Variants in WWOX observed in about 807,000 individuals in gnomAD.
WWOX encodes WW domain containing oxidoreductase, also known as WW domain-containing oxidoreductase.
A neutral mutation model predicts 46.2 loss-of-function variants in WWOX; 69 were observed. The ratio of observed to expected loss-of-function variants is 1.49; its 90% CI spans 1.23 to 1.82. The LOEUF is 1.82. WWOX is among the 40% of genes most tolerant of loss of function. WWOX has a pLI of 0.00. For missense variants in WWOX, 919 were observed against 542.6 expected, an observed-to-expected ratio of 1.69 and a Z score of -6.89; for synonymous variants, 359 against 202.6, an observed-to-expected ratio of 1.77 and a Z score of -6.56.
At position 78,264,135 on chromosome 16, in the gene WWOX, G is replaced by A. The variant is rs543239429; in HGVS notation, c.516+99846G>A. Among the ~76,000 whole-genome samples the A allele has an allele frequency of 7.3e-5, 11 of 151,082 alleles. No homozygotes were observed. In the South Asian group the frequency reaches 2.1e-3, roughly 29 times the overall value. On this transcript the variant is annotated intron_variant, in intron 5 of 8. Transcript: ENST00000566780. Reference sequence around the variant, plus strand: ...TCACTTCTTGAGTCTTGGTCATTACGAAGTGACATTTGGCATGAATTTGCT... The same window carrying A: ...TCACTTCTTGAGTCTTGGTCATTACAAAGTGACATTTGGCATGAATTTGCT...
At chr16:78,513,121 C>G (rs995745452) in intron 8 of WWOX, among the ~76,000 whole-genome samples, 7 of 152,168 alleles carry the variant, frequency 4.6e-5, no homozygotes, top group Non-Finnish European at 1.0e-4. Context: ...TTTTCATTCT[C>G]TCCGTTGGTC....
At chr16:78,150,357 C>T (rs774871159) in intron 4 of WWOX, among the ~76,000 whole-genome samples, 26 of 152,114 alleles carry the variant, frequency 1.7e-4, no homozygotes, top group Admixed American at 1.3e-3. Flanking sequence ...CTCTCCAAAC[C>T]CTATCGTTTA....
chr16:78,964,808 T>C (rs2046335208), intron 8 of WWOX, among the ~76,000 whole-genome samples: 1 of 152,188 alleles, frequency 6.6e-6, no homozygotes, highest in East Asian at 1.9e-4. Context: ...CCTGGGTCCC[T>C]GTGCTGTGTG....
chr16:78,812,814 T>A (rs954720057), intron 8 of WWOX, among the ~76,000 whole-genome samples: 1 of 152,178 alleles, frequency 6.6e-6, no homozygotes, highest in African/African-American at 2.4e-5. Flanking sequence ...AAAGACCCCA[T>A]GTTTGTGTTA....
At chr16:78,918,791 G>C (rs2045310271) in intron 8 of WWOX, among the ~76,000 whole-genome samples, 1 of 152,128 alleles carries the variant, frequency 6.6e-6, no homozygotes, top group Non-Finnish European at 1.5e-5. Flanking sequence ...ACTTGTCTAA[G>C]CTCTATATTA....
At chr16:78,951,579 C>T (rs1245371266) in intron 8 of WWOX, among the ~76,000 whole-genome samples, 1 of 152,230 alleles carries the variant, frequency 6.6e-6, no homozygotes, top group African/African-American at 2.4e-5. Context: ...AACAACAGGG[C>T]TTCATCACAG....
intron 8 of WWOX, among the ~76,000 whole-genome samples, chr16:78,739,675 C>G (rs8048347): frequency 0.23 from 35,424 of 151,880 alleles, 6,671 homozygotes; most frequent in African/African-American, 0.52. Context: ...GCTTGGCTTC[C>G]TGGTGCATGC....
At chr16:78,948,138 G>A (rs1215139561) in intron 8 of WWOX, among the ~76,000 whole-genome samples, 2 of 152,202 alleles carry the variant, frequency 1.3e-5, no homozygotes, top group African/African-American at 2.4e-5. Flanking sequence ...TGAACCTTAA[G>A]TTGCTCAGAA....
chr16:78,507,652 G>C (rs185199243), intron 8 of WWOX, among the ~76,000 whole-genome samples: 1 of 152,092 alleles, frequency 6.6e-6, no homozygotes, highest in Non-Finnish European at 1.5e-5. Context: ...CCTTGGTCCC[G>C]TCTCCAGCCA....
intron 8 of WWOX, among the ~76,000 whole-genome samples, chr16:78,546,934 C>T (rs746039593): frequency 1.3e-5 from 2 of 151,790 alleles, no homozygotes; most frequent in Non-Finnish European, 2.9e-5. Flanking sequence ...TCAGATCAGT[C>T]TGGGCAACAT....
At chr16:78,450,164 AT>A (rs1352421885) in intron 8 of WWOX, among the ~76,000 whole-genome samples, 1 of 152,184 alleles carries the variant, frequency 6.6e-6, no homozygotes, top group African/African-American at 2.4e-5. Flanking sequence ...ATTTAGCAAA[AT>A]TCAAATTTCC....
chr16:78,554,456 G>T (rs1227397644), intron 8 of WWOX, among the ~76,000 whole-genome samples: 1 of 152,174 alleles, frequency 6.6e-6, no homozygotes, highest in Non-Finnish European at 1.5e-5. Flanking sequence ...TATGAAAACA[G>T]TTCTGGCTGA....
chr16:78,996,643 T>G (rs1225773122), intron 8 of WWOX, among the ~76,000 whole-genome samples: 1 of 152,044 alleles, frequency 6.6e-6, no homozygotes, highest in East Asian at 1.9e-4. Context: ...TCAGGGAGAC[T>G]CTAGTGTGCT....
At chr16:78,434,711 A>T (rs1221376191) in intron 8 of WWOX, among the ~76,000 whole-genome samples, 1 of 152,180 alleles carries the variant, frequency 6.6e-6, no homozygotes, top group Non-Finnish European at 1.5e-5. Flanking sequence ...AAGGTCCCTA[A>T]TCAGAGGAAC....
intron 8 of WWOX, among the ~76,000 whole-genome samples, chr16:78,989,630 C>T (rs548287912): frequency 1.3e-5 from 2 of 152,242 alleles, no homozygotes; most frequent in Admixed American, 1.3e-4. Flanking sequence ...CTTGTGGATT[C>T]AGGAATTGGG....
chr16:78,259,505 A>G (rs1018880520), intron 5 of WWOX, among the ~76,000 whole-genome samples: 1 of 151,554 alleles, frequency 6.6e-6, no homozygotes, highest in Non-Finnish European at 1.5e-5. Context: ...TTTTGTAGAG[A>G]TGGAGTTTCA....
intron 8 of WWOX, among the ~76,000 whole-genome samples, chr16:79,129,726 C>G (rs1336247410): frequency 1.3e-5 from 2 of 151,984 alleles, no homozygotes; most frequent in African/African-American, 4.8e-5. Context: ...AAATCTAAAG[C>G]CATTAATAAA....
chr16:78,824,430 C>T (rs2051591673), intron 8 of WWOX, among the ~76,000 whole-genome samples: 1 of 152,182 alleles, frequency 6.6e-6, no homozygotes, highest in South Asian at 2.1e-4. Context: ...ATGTATTGCT[C>T]ACTTGGTACA....
chr16:78,173,122 A>G (rs1177470706), intron 5 of WWOX, among the ~76,000 whole-genome samples: 1 of 152,216 alleles, frequency 6.6e-6, no homozygotes, highest in Non-Finnish European at 1.5e-5. Flanking sequence ...GCGATAGGTT[A>G]AGGTTTATTT....
Sources: allele counts gnomAD v4.1 joint callset (sites outside exome capture counted in the v4.1 genomes callset), GRCh38; gene constraint gnomAD v4.1.1; transcripts MANE v1.5; gene names NCBI Gene and HGNC (gene_info 2026-07-23, HGNC 2026-07-21).